GABRE: variants seen among roughly 807,000 people sequenced by gnomAD.
GABRE encodes the protein gamma-aminobutyric acid type A receptor subunit epsilon.
GABRE carries 20 observed loss-of-function variants against 31.0 expected under a neutral mutation model. The ratio of observed to expected loss-of-function variants is 0.64; its 90% CI spans 0.45 to 0.94. The LOEUF (loss-of-function observed/expected upper bound fraction) is 0.94, where lower values mean the gene tolerates loss of function less well. GABRE is among the 40% of genes least tolerant of loss of function. GABRE has a pLI of 0.00. For synonymous variants in GABRE, 155 were observed against 150.6 expected, an observed-to-expected ratio of 1.03 and a Z score of -0.21; for missense variants, 420 against 410.7, an observed-to-expected ratio of 1.02 and a Z score of -0.20.
rs146390765 is a variant in GABRE, at chrX:151,970,199, C to T, written c.260G>A (p.Arg87His). 87 of 1,210,221 alleles carry T rather than the reference C, an allele frequency of 7.2e-5. No homozygotes were observed. In the East Asian group the frequency reaches 1.6e-3, roughly 22 times the overall value. Reference protein sequence around the residue: ...TILSNYDHKLRPGIGEKPTVV... With the variant: ...TILSNYDHKLHPGIGEKPTVV... ...CTGCTCCTCACCTCCAATGCCAGGG[C>T]GCAGTTTGTGGTCATAATTACTCAG... Residue 87 changes from arginine (R) to histidine (H), a missense_variant, in exon 2 of 9, where the codon CGC (arginine) becomes CAC (histidine). Transcript: ENST00000370328.
intron 4 of GABRE, among the ~76,000 whole-genome samples, chrX:151,961,807 G>GAAAACAAAACAAAACAAAAC (rs61666720): frequency 1.9e-5 from 2 of 108,009 alleles, no homozygotes; most frequent in African/African-American, 6.9e-5. Context: ...TAACAAGAGA[G>GAAAACAAAACAAAACAAAAC]AAAACAAAAC....
chrX:151,961,301 G>A lies in GABRE; in HGVS notation c.628C>T (p.Pro210Ser). 8.3e-7 allele frequency: 1 copy of A among 1,206,240 alleles called. No individual in the cohort carries two copies. The highest frequency in any genetic ancestry group is 1.1e-6 in the Non-Finnish European group (1 of 891,087). Residue 210 changes from proline to serine, a missense_variant, in exon 5 of 9, where the codon CCT becomes TCT. Transcript: ENST00000370328. ...TACTCACAGCTAGAGAAAGATAGAG[G>A]GCAAGAGTGAGAATCCATTGGAAAT... ...LRFPMDSHSCPLSFSSFSYPE... is the reference protein window; with the variant it reads ...LRFPMDSHSCSLSFSSFSYPE...
In GABRE at chrX:151,970,255, C is replaced by A; in HGVS notation, c.204G>T (p.Leu68=). The change falls in exon 2 of 9, where the codon CTG becomes CTT. Residue 68 remains leucine, a synonymous_variant. Coordinates refer to ENST00000370328, the MANE Select transcript of GABRE (RefSeq NM_004961.4). ...ETETGSRVGK[L]PEASRILNTI... ...TGTTCAGGATGCGAGAGGCTTCTGG[C>A]AGTTTGCCAACTCTGCTCCCAGTCT... The A allele has an allele frequency of 4.1e-6, 5 of 1,212,146 alleles. No homozygotes were observed. The highest frequency in any genetic ancestry group is 4.5e-6 in the Non-Finnish European group (4 of 895,633).
chrX:151,964,934 C>T (rs1198095597), intron 3 of GABRE, among the ~76,000 whole-genome samples: 2 of 111,522 alleles, frequency 1.8e-5, no homozygotes, highest in African/African-American at 3.3e-5. Flanking sequence ...GGGCGGATCA[C>T]GAAGTCAGGA....
intron 3 of GABRE, among the ~76,000 whole-genome samples, chrX:151,968,569 C>T (rs760024200): frequency 9.0e-6 from 1 of 111,663 alleles, no homozygotes; most frequent in South Asian, 3.8e-4. Flanking sequence ...CTCTAACTCA[C>T]CCAGTCACAT....
chrX:151,974,543 C>CTCCCGGG, intron 1 of GABRE, 27 bp downstream of exon 1: 1 of 1,082,850 alleles, frequency 9.2e-7, no homozygotes. Context: ...GCGCGAAGGG[C>CTCCCGGG]TCCCGGGTCC....
At chrX:151,972,133 A>G (rs1934724960) in intron 1 of GABRE, 2 of 750,610 alleles carry the variant, frequency 2.7e-6, no homozygotes, top group South Asian at 6.9e-5. Flanking sequence ...ATTGCGGACC[A>G]AGGGACTGCC....
chrX:151,972,730 AC>A, intron 1 of GABRE: 1 of 624,826 alleles, frequency 1.6e-6, no homozygotes, highest in Non-Finnish European at 1.9e-6. Flanking sequence ...AAAAAAAAAC[AC>A]AACAATAAAC....
intron 6 of GABRE, chrX:151,957,193 G>A (rs1053968741): frequency 1.4e-4 from 30 of 211,205 alleles, no homozygotes; most frequent in Non-Finnish European, 2.5e-4. Flanking sequence ...TAACCTGTCC[G>A]TGTGTCCTCC....
At chrX:151,971,037 G>A (rs1934680281) in intron 1 of GABRE, 3 of 786,876 alleles carry the variant, frequency 3.8e-6, no homozygotes, top group Admixed American at 7.0e-5. Context: ...TCCACCCTGA[G>A]CTCCACAGCC....
chrX:151,955,460 C>T lies in GABRE; in HGVS notation c.1045G>A (p.Val349Ile), dbSNP rs774731784. 1.3e-5 allele frequency: 16 copies of T among 1,209,946 alleles called. No homozygotes were observed. The highest frequency in any genetic ancestry group is 5.9e-5 in the East Asian group (2 of 33,765). The change falls in exon 8 of 9, where the codon GTC becomes ATC. Residue 349 changes from valine to isoleucine, a missense_variant. Physicochemically the swap from Val to Ile is conservative, Grantham distance 29. Transcript: ENST00000370328. Reference sequence around the variant, plus strand: ...TCCAACAGAGCGCAGAAGCAGAAGACGAAGCAGATGGCGATATAGAAATCC... The same window carrying T: ...TCCAACAGAGCGCAGAAGCAGAAGATGAAGCAGATGGCGATATAGAAATCC... ...ALDFYIAICF[V>I]FCFCALLEFA...
chrX:151,971,276 A>T (rs1253996041), intron 1 of GABRE: 1 of 329,504 alleles, frequency 3.0e-6, no homozygotes, highest in Non-Finnish European at 5.8e-6. Flanking sequence ...ACAACTCATC[A>T]GCTGTACACT....
intron 6 of GABRE, chrX:151,958,415 C>G (rs1175822687): frequency 3.6e-6 from 1 of 274,641 alleles, no homozygotes; most frequent in Non-Finnish European, 6.7e-6. Flanking sequence ...AGTTTGAGAC[C>G]AGTCCCAAAG....
chrX:151,960,673 G>A (rs1404221461), intron 5 of GABRE, among the ~76,000 whole-genome samples: 1 of 112,036 alleles, frequency 8.9e-6, no homozygotes, highest in Non-Finnish European at 1.9e-5. Flanking sequence ...CTTCTGTGAG[G>A]ACAACATGTT....
chrX:151,954,631 A>G lies in GABRE; in HGVS notation c.*70T>C. Reference sequence around the variant, plus strand: ...CTGCTGCTGCTGCTGCTTTCCCCCAACTCCCTTGGCAAGGGGCTTGGACCT... The same window carrying G: ...CTGCTGCTGCTGCTGCTTTCCCCCAGCTCCCTTGGCAAGGGGCTTGGACCT... On this transcript the variant is annotated 3_prime_UTR_variant, in exon 9 of 9. Transcript: ENST00000370328. The G allele has an allele frequency of 1.2e-6, 1 of 846,631 alleles. No homozygotes were observed. Among genetic ancestry groups the G allele is most frequent in the Non-Finnish European group, 1.7e-6 (1 of 604,215 alleles). The allele number at this position is 846,631 out of a possible 1,213,427, so 69.8% of individuals were successfully genotyped here.
Position 151,954,746 on chromosome X carries a change from G to A in GABRE, c.1476C>T (p.Phe492=). ...GCCAGTAGAGCACATTGAAGAAGAA[G>A]AAAGTCACTGGGAAAACAACTCTCG... ...NYSRVVFPVT[F]FFFNVLYWLV... The change falls in exon 9 of 9, where the codon TTC becomes TTT. Residue 492 remains phenylalanine (F), a synonymous_variant. Coordinates refer to ENST00000370328, the MANE Select transcript of GABRE (RefSeq NM_004961.4). 1 of 1,210,003 alleles carries A rather than the reference G, an allele frequency of 8.3e-7. No individual in the cohort carries two copies. The highest frequency in any genetic ancestry group is 1.1e-6 in the Non-Finnish European group (1 of 894,797).
At chrX:151,972,793 A>G (rs1934751899) in intron 1 of GABRE, 1 of 306,555 alleles carries the variant, frequency 3.3e-6, no homozygotes, top group African/African-American at 2.9e-5. Context: ...AGCTGCTGAC[A>G]ATGCATACCT....
chrX:151,968,724 A>G (rs1338620543), intron 3 of GABRE, among the ~76,000 whole-genome samples: 4 of 112,004 alleles, frequency 3.6e-5, no homozygotes, highest in Non-Finnish European at 7.5e-5. Context: ...AGCATCATTC[A>G]TCACTCATTT....
At position 151,954,405 on chromosome X, in the gene GABRE, G is replaced by A. The variant is rs190337673; in HGVS notation, c.*296C>T. On this transcript the variant is annotated 3_prime_UTR_variant, in exon 9 of 9. Coordinates refer to ENST00000370328, the MANE Select transcript of GABRE (RefSeq NM_004961.4). The stretch of plus-strand genomic sequence containing the variant: ...TACTTAGGCATGGTTTTAGGGAGCT[G>A]ATCACTAAGTGGCTGTGGTTTTGAA... 5.4e-5 allele frequency: 14 copies of A among 261,391 alleles called. No homozygotes were observed. Among genetic ancestry groups the A allele is most frequent in the Non-Finnish European group, 8.7e-5 (13 of 148,708 alleles). The allele number at this position is 261,391 out of a possible 1,213,427, so 21.5% of individuals were successfully genotyped here. A position where few individuals can be genotyped will look rare whatever the true frequency, so the allele number is the denominator to read the frequency against.
Sources: gnomAD v4.1 joint callset for allele counts (sites outside exome capture counted in the v4.1 genomes callset) on GRCh38, gnomAD v4.1.1 for gene constraint, MANE v1.5 for transcripts, NCBI Gene and HGNC (gene_info 2026-07-23, HGNC 2026-07-21) for gene names.